OSBPL9: variants seen among roughly 807,000 people sequenced by gnomAD.
OSBPL9 encodes oxysterol binding protein like 9.
In OSBPL9, 40 loss-of-function variants were observed where a neutral mutation model predicts 106.6. That is an observed-to-expected ratio of 0.38 (90% CI 0.29 to 0.49). OSBPL9 has a LOEUF of 0.49. Among genes scored for constraint, OSBPL9 ranks in the 20% least tolerant of loss-of-function variants. OSBPL9 has a pLI of 0.97. For synonymous variants in OSBPL9, 269 were observed against 295.4 expected (o/e 0.91, Z 0.92); for missense variants, 609 against 887.2 (o/e 0.69, Z 3.98).
chr1:51,620,011 A>G (rs866106608), intron 1 of OSBPL9, among the ~76,000 whole-genome samples: 1 of 152,192 alleles, frequency 6.6e-6, no homozygotes, highest in African/African-American at 2.4e-5. Flanking sequence ...ACTAAACTAG[A>G]GTGACCTTGC....
At chr1:51,622,385 C>G (rs905856220) in intron 1 of OSBPL9, among the ~76,000 whole-genome samples, 1 of 152,090 alleles carries the variant, frequency 6.6e-6, no homozygotes. Context: ...TTGGATAGGA[C>G]TCTGGAAAAT....
intron 1 of OSBPL9, among the ~76,000 whole-genome samples, chr1:51,596,734 C>T (rs553118269): frequency 1.1e-4 from 17 of 152,074 alleles, no homozygotes; most frequent in Middle Eastern, 6.8e-3. Flanking sequence ...GAGCTGAGAT[C>T]GTGCCACTGC....
chr1:51,527,841 C>T, the OSBPL9 span, among the ~76,000 whole-genome samples: 4 of 151,664 alleles, frequency 2.6e-5, no homozygotes, highest in Non-Finnish European at 4.4e-5. Flanking sequence ...AGCCGGGCAC[C>T]GTGGCTCATG....
chr1:51,715,686 G>A (rs1660921914), intron 4 of OSBPL9, among the ~76,000 whole-genome samples: 1 of 152,180 alleles, frequency 6.6e-6, no homozygotes, highest in African/African-American at 2.4e-5. Context: ...TTCAACAAGA[G>A]CCACCTGCCC....
At chr1:51,723,429 G>A (rs866576123) in intron 4 of OSBPL9, among the ~76,000 whole-genome samples, 6 of 152,060 alleles carry the variant, frequency 3.9e-5, no homozygotes, top group Non-Finnish European at 5.9e-5. Flanking sequence ...GCTTCTTTCC[G>A]TTAGTAATAG....
chr1:51,712,961 G>T (rs966089326), intron 3 of OSBPL9, among the ~76,000 whole-genome samples: 2 of 152,014 alleles, frequency 1.3e-5, no homozygotes, highest in African/African-American at 4.8e-5. Flanking sequence ...AGATTTTTCT[G>T]GGCCACCCAT....
chr1:51,587,345 A>T (rs111544141), intron 1 of OSBPL9, among the ~76,000 whole-genome samples: 6,168 of 152,288 alleles, frequency 0.041, 173 homozygotes, highest in Non-Finnish European at 0.056. Context: ...AGCCTGGGTG[A>T]CAGAGCCAGA....
At chr1:51,778,832 CAG>C (rs1273499240) in intron 15 of OSBPL9, among the ~76,000 whole-genome samples, 1 of 152,168 alleles carries the variant, frequency 6.6e-6, no homozygotes, top group African/African-American at 2.4e-5. Context: ...TTGTATAACA[CAG>C]AGTCTTTTCC....
chr1:51,738,773 G>A (rs1213248139), intron 4 of OSBPL9, among the ~76,000 whole-genome samples: 1 of 151,840 alleles, frequency 6.6e-6, no homozygotes, highest in East Asian at 1.9e-4. Context: ...TATGAAAATT[G>A]CCTGTGGTTA....
chr1:51,705,399 ATTTTTTTTTTTTTTTT>A (rs869169566), intron 3 of OSBPL9, among the ~76,000 whole-genome samples: 1 of 40,456 alleles, frequency 2.5e-5, no homozygotes, highest in South Asian at 1.1e-3. Flanking sequence ...ATATATATAT[ATTTTTTTTTTTTTTTT>A]TTTTTTTTTT....
At chr1:51,675,542 C>T (rs1650986869) in intron 3 of OSBPL9, among the ~76,000 whole-genome samples, 1 of 151,948 alleles carries the variant, frequency 6.6e-6, no homozygotes, top group South Asian at 2.1e-4. Flanking sequence ...TGAGTGTTAT[C>T]CTTCTGGAAG....
intron 3 of OSBPL9, among the ~76,000 whole-genome samples, chr1:51,676,558 C>A (rs1651259801): frequency 6.6e-6 from 1 of 150,524 alleles, no homozygotes; most frequent in Non-Finnish European, 1.5e-5. Context: ...ACTTGGGAGG[C>A]TGAGGTGGGA....
At position 51,747,708 on chromosome 1, in the gene OSBPL9, G is replaced by C. The variant is rs1221371337; in HGVS notation, c.463-661G>C. Among the ~76,000 whole-genome samples the C allele has an allele frequency of 2.6e-5, 4 of 152,014 alleles. No individual in the cohort carries two copies. In the South Asian group the frequency reaches 8.3e-4, roughly 31 times the overall value. ...TGTCGTTTTAAAACAACTTAGGAAA[G>C]ATAAATGTGATTTTAAAATAAGTGA... is the stretch of plus-strand genomic sequence containing the variant. On this transcript the variant is annotated intron_variant, in intron 6 of 23. Transcript: ENST00000428468.
intron 12 of OSBPL9, among the ~76,000 whole-genome samples, chr1:51,767,051 C>T (rs1672713588): frequency 6.6e-6 from 1 of 151,982 alleles, no homozygotes; most frequent in East Asian, 1.9e-4. Context: ...TGCACTCTAG[C>T]CTGGGCAACA....
intron 2 of OSBPL9, among the ~76,000 whole-genome samples, chr1:51,666,878 G>A (rs1249954619): frequency 6.6e-6 from 1 of 152,236 alleles, no homozygotes; most frequent in East Asian, 1.9e-4. Context: ...AAGAGTCTGT[G>A]CTTCAGAAAT....
intron 1 of OSBPL9, among the ~76,000 whole-genome samples, chr1:51,595,210 G>A (rs933944222): frequency 2.0e-5 from 3 of 152,114 alleles, no homozygotes; most frequent in Non-Finnish European, 4.4e-5. Flanking sequence ...TTAAGGGAGC[G>A]GCAGGGGAGG....
chr1:51,598,635 T>C (rs1045921410), intron 2 of OSBPL9, among the ~76,000 whole-genome samples: 4 of 152,276 alleles, frequency 2.6e-5, no homozygotes, highest in Admixed American at 6.5e-5. Flanking sequence ...CGCACACACA[T>C]ATGCTAATTC....
chr1:51,670,026 G>A (rs976186522), intron 3 of OSBPL9, among the ~76,000 whole-genome samples: 16 of 152,306 alleles, frequency 1.1e-4, no homozygotes, highest in African/African-American at 3.8e-4. Flanking sequence ...TTGTTTGCCA[G>A]CCATCATTTC....
chr1:51,684,418 T>C (rs1571058182), intron 3 of OSBPL9, among the ~76,000 whole-genome samples: 1 of 152,256 alleles, frequency 6.6e-6, no homozygotes, highest in East Asian at 1.9e-4. Context: ...TGTGAGGTAA[T>C]ATTTGTGTTA....
Sources: gnomAD v4.1 joint callset for allele counts (sites outside exome capture counted in the v4.1 genomes callset) on GRCh38, gnomAD v4.1.1 for gene constraint, MANE v1.5 for transcripts, NCBI Gene and HGNC (gene_info 2026-07-23, HGNC 2026-07-21) for gene names.